ROCK2: variants seen among roughly 807,000 people sequenced by gnomAD.
ROCK2 encodes Rho associated coiled-coil containing protein kinase 2, also known as rho-associated protein kinase 2.
A neutral mutation model predicts 195.1 loss-of-function variants in ROCK2; 61 were observed. That is an observed-to-expected ratio of 0.31 (90% CI 0.25 to 0.39). The LOEUF is 0.39. Ranked by LOEUF, ROCK2 falls within the 10% of genes least tolerant of loss-of-function variation. The pLI is 1.00. For synonymous variants in ROCK2, 504 were observed against 545.5 expected, an observed-to-expected ratio of 0.92 and a Z score of 1.06; for missense variants, 1,109 against 1,637.4, an observed-to-expected ratio of 0.68 and a Z score of 5.57.
chr2:11,221,720 C>T (rs1171036677), intron 8 of ROCK2, among the ~76,000 whole-genome samples: 1 of 152,058 alleles, frequency 6.6e-6, no homozygotes, highest in Non-Finnish European at 1.5e-5. Flanking sequence ...ATGCTTACAG[C>T]AATATTTAGC....
At chr2:11,341,768 C>T (rs1669113686) in intron 1 of ROCK2, among the ~76,000 whole-genome samples, 2 of 152,062 alleles carry the variant, frequency 1.3e-5, no homozygotes, top group Admixed American at 1.3e-4. Flanking sequence ...TGAAATGCAA[C>T]CTAAATGCTA....
At chr2:11,215,925 A>AT (rs368811217) in intron 13 of ROCK2, among the ~76,000 whole-genome samples, 5 of 152,178 alleles carry the variant, frequency 3.3e-5, no homozygotes, top group Non-Finnish European at 5.9e-5. Context: ...TATGAATAGC[A>AT]TTTTTTTCCC....
At chr2:11,305,861 A>T (rs1196252368) in intron 1 of ROCK2, among the ~76,000 whole-genome samples, 2 of 152,248 alleles carry the variant, frequency 1.3e-5, no homozygotes. Context: ...CTGTGAATTT[A>T]TAATTATTTC....
At chr2:11,207,318 T>G (rs1272033512) in intron 20 of ROCK2, among the ~76,000 whole-genome samples, 1 of 152,138 alleles carries the variant, frequency 6.6e-6, no homozygotes, top group Admixed American at 6.5e-5. Flanking sequence ...GACACTAGAG[T>G]ACATCCTATG....
At chr2:11,224,157 T>G (rs532317889) in intron 7 of ROCK2, among the ~76,000 whole-genome samples, 165 bp downstream of exon 7, 1 of 152,276 alleles carries the variant, frequency 6.6e-6, no homozygotes, top group African/African-American at 2.4e-5. Flanking sequence ...AACAACAAGG[T>G]AGCCCAACAC....
At chr2:11,296,518 T>C (rs1667543714) in intron 1 of ROCK2, among the ~76,000 whole-genome samples, 1 of 152,218 alleles carries the variant, frequency 6.6e-6, no homozygotes, top group South Asian at 2.1e-4. Context: ...ATTGTGAAGT[T>C]AAATTTCTGC....
intron 3 of ROCK2, among the ~76,000 whole-genome samples, chr2:11,256,142 C>G (rs952970466): frequency 1.3e-5 from 2 of 150,610 alleles, no homozygotes; most frequent in Non-Finnish European, 2.9e-5. Flanking sequence ...GATTAAAAAG[C>G]AATTATAGTT....
chr2:11,221,523 A>G (rs1341615037), intron 8 of ROCK2, among the ~76,000 whole-genome samples, 166 bp from the exon 9 acceptor site: 1 of 152,196 alleles, frequency 6.6e-6, no homozygotes, highest in Non-Finnish European at 1.5e-5. Context: ...ATTTATTGCT[A>G]TATTAGATCA....
chr2:11,215,690 A>T (rs753677162), intron 13 of ROCK2, 45 bp from the exon 14 acceptor site: 23 of 1,507,140 alleles, frequency 1.5e-5, no homozygotes, highest in African/African-American at 2.8e-5. Context: ...ATGTATAAAA[A>T]TGAAATCAAA....
intron 4 of ROCK2, among the ~76,000 whole-genome samples, chr2:11,238,234 G>GTGTGTGTGTGTGTGTGTC (rs1218938458): frequency 6.6e-6 from 1 of 151,320 alleles, no homozygotes; most frequent in Non-Finnish European, 1.5e-5. Context: ...GTGTGTGTGT[G>GTGTGTGTGTGTGTGTGTC]TGTGTGTCTG....
intron 4 of ROCK2, among the ~76,000 whole-genome samples, chr2:11,240,252 T>C (rs554264013): frequency 1.3e-5 from 2 of 152,342 alleles, no homozygotes; most frequent in East Asian, 3.9e-4. Flanking sequence ...TGGTCTTTTG[T>C]AGCGGTCAGC....
intron 3 of ROCK2, among the ~76,000 whole-genome samples, chr2:11,269,735 C>T (rs1280166117): frequency 6.6e-6 from 1 of 152,150 alleles, no homozygotes; most frequent in African/African-American, 2.4e-5. Flanking sequence ...TCCTCTCTCT[C>T]CCCATCATTT....
At chr2:11,210,532 G>T (rs541466672) in intron 18 of ROCK2, among the ~76,000 whole-genome samples, 1 of 152,034 alleles carries the variant, frequency 6.6e-6, no homozygotes, top group African/African-American at 2.4e-5. Context: ...GTAGAGATAG[G>T]GTCTTGCTAT....
rs1156983946 is a variant in ROCK2 at position 11,317,576 on chromosome 2, TTA to T, written c.141+26418_141+26419del. ...TTTAAAGCCGCCCTGATCTACACAT[TTA>T]TATATATATATATATATATATATAT... is the stretch of plus-strand genomic sequence containing the variant. On this transcript the variant is annotated intron_variant, in intron 1 of 32. Transcript: ENST00000315872. Among the ~76,000 whole-genome samples, 55 of 29,580 alleles carry T rather than the reference TTA, an allele frequency of 1.9e-3. 2 individuals carry two copies. Among genetic ancestry groups the T allele is most frequent in the African/African-American group, 3.3e-3 (21 of 6,436 alleles). The allele number at this position is 29,580 out of a possible 152,430, so 19.4% of individuals were successfully genotyped here.
chr2:11,320,779 T>TCCAGGTGA lies in ROCK2; in HGVS notation c.141+23209_141+23216dup, dbSNP rs1217382180. The stretch of plus-strand genomic sequence containing the variant: ...CAAAGTGAGCCCTATCATGGCCACT[T>TCCAGGTGA]CCAGGTGACCAGGTGACCATGCCCA... On this transcript the variant is annotated intron_variant, in intron 1 of 32. Coordinates refer to ENST00000315872, the MANE Select transcript of ROCK2 (RefSeq NM_004850.5). 5.9e-5 allele frequency among the ~76,000 whole-genome samples: 9 copies of TCCAGGTGA among 152,242 alleles called. No individual in the cohort carries two copies. The East Asian group carries it at 1.7e-3, about 29-fold the overall frequency.
chr2:11,183,200 T>G lies in ROCK2; in HGVS notation c.*237A>C, dbSNP rs532621324. 2.5e-6 allele frequency: 1 copy of G among 407,290 alleles called. No individual in the cohort carries two copies. The highest frequency in any genetic ancestry group is 2.1e-5 in the African/African-American group (1 of 47,796). The allele number at this position is 407,290 out of a possible 1,614,324, so 25.2% of individuals were successfully genotyped here. On this transcript the variant is annotated 3_prime_UTR_variant, in exon 33 of 33. Coordinates refer to ENST00000315872, the MANE Select transcript of ROCK2 (RefSeq NM_004850.5). The stretch of plus-strand genomic sequence containing the variant: ...AGCTTTATGGAAAAGTCTGGAAGAG[T>G]TGCATATATCCTTAGTCTATCAACC...
rs879690954 is a variant in ROCK2, at chr2:11,181,334, A to T, written c.*2103T>A. 1.1e-4 allele frequency: 16 copies of T among 151,262 alleles called. No homozygotes were observed. Among genetic ancestry groups the T allele is most frequent in the Admixed American group, 2.0e-4 (3 of 15,204 alleles). 9.4% of individuals were successfully genotyped at this position (151,262 alleles called of 1,614,324 possible). A position where few individuals can be genotyped will look rare whatever the true frequency, so the allele number is the denominator to read the frequency against. On this transcript the variant is annotated 3_prime_UTR_variant, in exon 33 of 33. Transcript: ENST00000315872. ...ATATTTATTCTATATAAATTTATAT[A>T]TTTTTCATTTTTTAATCTTACTTAA... is the stretch of plus-strand genomic sequence containing the variant.
intron 5 of ROCK2, among the ~76,000 whole-genome samples, chr2:11,227,621 C>G (rs1029328209): frequency 6.6e-6 from 1 of 152,164 alleles, no homozygotes; most frequent in East Asian, 1.9e-4. Flanking sequence ...CTCTAAAATA[C>G]AGGAGGCTTC....
At chr2:11,297,906 G>GT (rs1298440331) in intron 1 of ROCK2, among the ~76,000 whole-genome samples, 1 of 152,060 alleles carries the variant, frequency 6.6e-6, no homozygotes, top group Admixed American at 6.6e-5. Flanking sequence ...AAAAGCAAAT[G>GT]TAATTTCCCT....
Sources: allele counts gnomAD v4.1 joint callset (sites outside exome capture counted in the v4.1 genomes callset), GRCh38; gene constraint gnomAD v4.1.1; transcripts MANE v1.5; gene names NCBI Gene and HGNC (gene_info 2026-07-23, HGNC 2026-07-21).